Variants in B3GAT2 observed in about 807,000 individuals in gnomAD.
B3GAT2 encodes beta-1,3-glucuronyltransferase 2, also known as galactosylgalactosylxylosylprotein 3-beta-glucuronosyltransferase 2.
B3GAT2 carries 26 observed loss-of-function variants against 27.8 expected under a neutral mutation model. The observed-to-expected ratio is 0.93, with a 90% CI of 0.68 to 1.30. B3GAT2 has a LOEUF of 1.30. Ranked by LOEUF, B3GAT2 falls within the 50% of genes most tolerant of loss-of-function variation. B3GAT2 has a pLI of 0.00. For synonymous variants in B3GAT2, 218 were observed against 195.1 expected (o/e 1.12, Z -0.98); for missense variants, 458 against 459.0 (o/e 1.00, Z 0.02).
At chr6:70,874,883 T>C (rs1771988673) in intron 2 of B3GAT2, among the ~76,000 whole-genome samples, 1 of 152,108 alleles carries the variant, frequency 6.6e-6, no homozygotes, top group African/African-American at 2.4e-5. Context: ...GCTGCTGGTT[T>C]TCACCACAAT....
chr6:70,934,199 T>A (rs1331239993), intron 1 of B3GAT2, among the ~76,000 whole-genome samples: 1 of 152,240 alleles, frequency 6.6e-6, no homozygotes, highest in African/African-American at 2.4e-5. Flanking sequence ...GATACCTGAA[T>A]GCATACAACT....
intron 1 of B3GAT2, among the ~76,000 whole-genome samples, chr6:70,904,721 T>C (rs1772568991): frequency 6.6e-6 from 1 of 152,184 alleles, no homozygotes; most frequent in Non-Finnish European, 1.5e-5. Flanking sequence ...TTAAAACACA[T>C]GGTGAGAAAA....
Position 70,860,342 on chromosome 6 carries a change from A to T in B3GAT2, c.*1321T>A. Reference sequence around the variant, plus strand: ...ACACAACTGTGGAAATGAAAACTGCAATACAAGTTTCATCCAGAACTACCA... The same window carrying T: ...ACACAACTGTGGAAATGAAAACTGCTATACAAGTTTCATCCAGAACTACCA... On this transcript the variant is annotated 3_prime_UTR_variant, in exon 4 of 4. Transcript: ENST00000230053. 1 of 1,602,352 alleles carries T rather than the reference A, an allele frequency of 6.2e-7. No homozygotes were observed. Among genetic ancestry groups the T allele is most frequent in the Non-Finnish European group, 8.5e-7 (1 of 1,175,234 alleles).
Position 70,955,952 on chromosome 6 carries a change from G to A in B3GAT2, c.478C>T (p.Arg160Cys). Residue 160 changes from arginine (R) to cysteine (C), a missense_variant, in exon 1 of 4, where the codon CGC (arginine) becomes TGC (cysteine). Coordinates refer to ENST00000230053, the MANE Select transcript of B3GAT2 (RefSeq NM_080742.3). ...RPGLPRATEQRNAGLAWLRQR... is the reference protein window; with the variant it reads ...RPGLPRATEQCNAGLAWLRQR... ...CGCAGCCAGGCGAGGCCCGCGTTGCGCTGCTCAGTGGCGCGCGGCAGCCCG... is the reference window on the plus strand; with the variant it reads ...CGCAGCCAGGCGAGGCCCGCGTTGCACTGCTCAGTGGCGCGCGGCAGCCCG... 6.4e-7 allele frequency: 1 copy of A among 1,556,908 alleles called. No homozygotes were observed.
At chr6:70,886,031 A>G (rs1245322499) in intron 2 of B3GAT2, among the ~76,000 whole-genome samples, 1 of 152,262 alleles carries the variant, frequency 6.6e-6, no homozygotes, top group Non-Finnish European at 1.5e-5. Context: ...GTTAAGAGTG[A>G]CATTCACCAA....
At chr6:70,954,033 T>C (rs1158785996) in intron 1 of B3GAT2, among the ~76,000 whole-genome samples, 3 of 152,152 alleles carry the variant, frequency 2.0e-5, no homozygotes, top group Admixed American at 6.5e-5. Flanking sequence ...ACTAAATCAT[T>C]CCTCCTTCAC....
Position 70,860,365 on chromosome 6 carries a change from C to T in B3GAT2, c.*1298G>A. ...GCAATACAAGTTTCATCCAGAACTA[C>T]CACCTGACATTCCTTGCTGAAACGC... is the stretch of plus-strand genomic sequence containing the variant. On this transcript the variant is annotated 3_prime_UTR_variant, in exon 4 of 4. Transcript: ENST00000230053. 6.3e-7 allele frequency: 1 copy of T among 1,585,582 alleles called. No homozygotes were observed. Among genetic ancestry groups the T allele is most frequent in the Non-Finnish European group, 8.6e-7 (1 of 1,166,236 alleles).
chr6:70,936,740 A>G (rs1182194823), intron 1 of B3GAT2, among the ~76,000 whole-genome samples: 2 of 152,150 alleles, frequency 1.3e-5, no homozygotes, highest in East Asian at 3.9e-4. Flanking sequence ...AATCTCTGGG[A>G]TACATTCAAA....
chr6:70,907,773 T>A (rs753301692), intron 1 of B3GAT2, among the ~76,000 whole-genome samples: 85 of 152,238 alleles, frequency 5.6e-4, no homozygotes, highest in Admixed American at 1.0e-3. Flanking sequence ...AGTCACTAAC[T>A]GCCCAGGAGA....
chr6:70,916,881 A>G (rs1772782600), intron 1 of B3GAT2, among the ~76,000 whole-genome samples: 1 of 151,920 alleles, frequency 6.6e-6, no homozygotes, highest in Non-Finnish European at 1.5e-5. Flanking sequence ...TGTCTCTGTG[A>G]GGCTTTGTTA....
intron 1 of B3GAT2, among the ~76,000 whole-genome samples, chr6:70,922,299 A>T (rs1185985096): frequency 6.6e-6 from 1 of 152,246 alleles, no homozygotes; most frequent in Non-Finnish European, 1.5e-5. Flanking sequence ...TTTATAGAAT[A>T]AGCACATGAA....
chr6:70,933,887 T>G (rs1184544356), intron 1 of B3GAT2, among the ~76,000 whole-genome samples: 1 of 152,230 alleles, frequency 6.6e-6, no homozygotes, highest in Non-Finnish European at 1.5e-5. Flanking sequence ...GTTTACCCAC[T>G]TTACGTACCT....
At chr6:70,874,571 G>A (rs993725707) in intron 2 of B3GAT2, among the ~76,000 whole-genome samples, 1 of 152,146 alleles carries the variant, frequency 6.6e-6, no homozygotes, top group Non-Finnish European at 1.5e-5. Flanking sequence ...CATCCACAAG[G>A]CCTTCCAGAA....
intron 1 of B3GAT2, among the ~76,000 whole-genome samples, chr6:70,918,225 A>C (rs1376737676): frequency 6.6e-6 from 1 of 151,862 alleles, no homozygotes; most frequent in Admixed American, 6.6e-5. Flanking sequence ...AGGATGGCAA[A>C]CCCTTTTTTT....
Position 70,856,763 on chromosome 6 carries a change from C to CCTAT in B3GAT2, c.*4896_*4899dup, listed in dbSNP as rs1771441791. Reference sequence around the variant, plus strand: ...TTTTACCTTCTACAATTGTTTGATTCCTATCTAATTTTATAACTTTATTTG... The same window carrying CCTAT: ...TTTTACCTTCTACAATTGTTTGATTCCTATCTATCTAATTTTATAACTTTATTTG... On this transcript the variant is annotated 3_prime_UTR_variant, in exon 4 of 4. Transcript: ENST00000230053. 7 of 1,262,308 alleles carry CCTAT rather than the reference C, an allele frequency of 5.5e-6. No homozygotes were observed. The highest frequency in any genetic ancestry group is 5.3e-5 in the South Asian group (3 of 56,294). The allele number at this position is 1,262,308 out of a possible 1,614,324, so 78.2% of individuals were successfully genotyped here. A position where few individuals can be genotyped will look rare whatever the true frequency, so the allele number is the denominator to read the frequency against.
At position 70,868,778 on chromosome 6, in the gene B3GAT2, T is replaced by C. The variant is rs533112987; in HGVS notation, c.737-6800A>G. Among the ~76,000 whole-genome samples the C allele has an allele frequency of 9.2e-5, 14 of 152,252 alleles. No homozygotes were observed. The East Asian group carries it at 2.5e-3, about 27-fold the overall frequency. ...TTCAACTTTCATATTAAAAAGTATA[T>C]ACACACAGTGCAGTCATGGAACTTG... On this transcript the variant is annotated intron_variant, in intron 2 of 3. Coordinates refer to ENST00000230053, the MANE Select transcript of B3GAT2 (RefSeq NM_080742.3).
intron 1 of B3GAT2, among the ~76,000 whole-genome samples, chr6:70,897,658 GAAAAAA>G (rs71538453): frequency 7.4e-6 from 1 of 134,966 alleles, no homozygotes; most frequent in African/African-American, 2.6e-5. Flanking sequence ...AGAACTGCTT[GAAAAAA>G]AAAAAAATAT....
chr6:70,939,757 G>C (rs998989188), intron 1 of B3GAT2, among the ~76,000 whole-genome samples: 23 of 150,332 alleles, frequency 1.5e-4, no homozygotes, highest in Non-Finnish European at 3.0e-4. Flanking sequence ...GGTGGGGGTT[G>C]GGGGGAGGGA....
intron 1 of B3GAT2, among the ~76,000 whole-genome samples, chr6:70,947,952 G>T (rs1765519312): frequency 6.6e-6 from 1 of 151,594 alleles, no homozygotes; most frequent in Admixed American, 6.6e-5. Flanking sequence ...ATGTAATCCA[G>T]CATATAAACA....
Sources: allele counts gnomAD v4.1 joint callset (sites outside exome capture counted in the v4.1 genomes callset), GRCh38; gene constraint gnomAD v4.1.1; transcripts MANE v1.5; gene names NCBI Gene and HGNC (gene_info 2026-07-23, HGNC 2026-07-21).